Variants in CNTNAP2 observed in about 807,000 individuals in gnomAD.
The protein encoded by CNTNAP2 is contactin associated protein 2.
Under a neutral mutation model 155.2 loss-of-function variants are expected in CNTNAP2, and 98 were observed. The observed-to-expected ratio is 0.63, with a 90% CI of 0.54 to 0.75. The LOEUF (loss-of-function observed/expected upper bound fraction) is 0.75, where lower values mean the gene tolerates loss of function less well. CNTNAP2 is among the 30% of genes least tolerant of loss of function. CNTNAP2 has a pLI of 0.00. For missense variants in CNTNAP2, 1,727 were observed against 1,688.1 expected, an observed-to-expected ratio of 1.02 and a Z score of -0.40; for synonymous variants, 651 against 631.2, an observed-to-expected ratio of 1.03 and a Z score of -0.47.
intron 21 of CNTNAP2, among the ~76,000 whole-genome samples, chr7:148,338,563 G>C (rs1407217379): frequency 2.2e-5 from 3 of 134,012 alleles, no homozygotes; most frequent in African/African-American, 7.5e-5. Context: ...GGGGGGTGAG[G>C]GGGGGGTGAG....
chr7:146,292,710 A>G (rs1800451106), intron 1 of CNTNAP2, among the ~76,000 whole-genome samples: 1 of 152,208 alleles, frequency 6.6e-6, no homozygotes, highest in Non-Finnish European at 1.5e-5. Flanking sequence ...TTACAAAAGA[A>G]ATGTTGTCAT....
intron 1 of CNTNAP2, among the ~76,000 whole-genome samples, chr7:146,493,133 TC>T (rs1165602120): frequency 6.6e-6 from 1 of 152,206 alleles, no homozygotes; most frequent in African/African-American, 2.4e-5. Flanking sequence ...CAGTTTGAGA[TC>T]AGTATTGAAC....
intron 8 of CNTNAP2, among the ~76,000 whole-genome samples, chr7:147,174,403 T>C (rs1037435996): frequency 1.3e-5 from 2 of 152,088 alleles, no homozygotes; most frequent in Admixed American, 6.5e-5. Context: ...AAAGCACAGA[T>C]CACATCGTGA....
chr7:146,482,443 A>T (rs954855731), intron 1 of CNTNAP2, among the ~76,000 whole-genome samples: 5 of 151,934 alleles, frequency 3.3e-5, no homozygotes, highest in Admixed American at 6.6e-5. Flanking sequence ...ATACACAAAC[A>T]TACACTCATA....
chr7:147,588,666 C>T (rs536236925), intron 12 of CNTNAP2, among the ~76,000 whole-genome samples: 2 of 152,180 alleles, frequency 1.3e-5, no homozygotes, highest in South Asian at 4.2e-4. Context: ...ATCATAGTGC[C>T]AGGCAACATT....
intron 1 of CNTNAP2, among the ~76,000 whole-genome samples, chr7:146,458,386 A>G (rs1796587887): frequency 6.6e-6 from 1 of 152,196 alleles, no homozygotes; most frequent in Non-Finnish European, 1.5e-5. Context: ...AATGTCTATT[A>G]AGAAAAAAAT....
intron 3 of CNTNAP2, among the ~76,000 whole-genome samples, chr7:147,021,848 C>T (rs1798823053): frequency 6.6e-6 from 1 of 151,968 alleles, no homozygotes; most frequent in Non-Finnish European, 1.5e-5. Context: ...ATTCATCAAA[C>T]ATAAATCAAT....
intron 3 of CNTNAP2, among the ~76,000 whole-genome samples, chr7:146,947,557 G>GTATATATA (rs1325610298): frequency 1.8e-4 from 9 of 50,734 alleles, no homozygotes; most frequent in African/African-American, 5.1e-4. Flanking sequence ...GTGTGTGTGT[G>GTATATATA]TATATATATA....
intron 9 of CNTNAP2, among the ~76,000 whole-genome samples, chr7:147,329,318 TATA>T (rs1265679714): frequency 1.3e-5 from 2 of 152,092 alleles, no homozygotes; most frequent in Non-Finnish European, 2.9e-5. Flanking sequence ...TATACATTCT[TATA>T]ATTTATATAT....
intron 20 of CNTNAP2, among the ~76,000 whole-genome samples, chr7:148,259,362 A>AAAAAAAAAAAAC (rs1216850835): frequency 3.3e-4 from 50 of 151,838 alleles, no homozygotes; most frequent in African/African-American, 1.2e-3. Flanking sequence ...CCTCAAAAAA[A>AAAAAAAAAAAAC]AAAAAAAGAA....
At chr7:148,124,678 T>C (rs1030290007) in intron 16 of CNTNAP2, among the ~76,000 whole-genome samples, 1 of 152,246 alleles carries the variant, frequency 6.6e-6, no homozygotes, top group Non-Finnish European at 1.5e-5. Context: ...TTGTAGGTTA[T>C]TAACTTTTGT....
chr7:148,025,808 G>A (rs1383116873), intron 15 of CNTNAP2, among the ~76,000 whole-genome samples: 2 of 152,086 alleles, frequency 1.3e-5, no homozygotes, highest in Non-Finnish European at 2.9e-5. Context: ...CCTAATGAAT[G>A]AAAAAATTAT....
chr7:147,120,477 T>G (rs1051128128), intron 5 of CNTNAP2, among the ~76,000 whole-genome samples: 1 of 152,122 alleles, frequency 6.6e-6, no homozygotes, highest in Non-Finnish European at 1.5e-5. Context: ...CCTACCAAAA[T>G]TTAGCAGAAT....
At chr7:148,227,213 G>T (rs140766045) in intron 19 of CNTNAP2, among the ~76,000 whole-genome samples, 1 of 152,302 alleles carries the variant, frequency 6.6e-6, no homozygotes, top group East Asian at 1.9e-4. Flanking sequence ...TGTGCCGAGT[G>T]AAGATGAGGC....
chr7:148,180,987 T>C (rs1795028825), intron 18 of CNTNAP2, among the ~76,000 whole-genome samples: 1 of 152,182 alleles, frequency 6.6e-6, no homozygotes, highest in Admixed American at 6.5e-5. Flanking sequence ...GAAAAGGTGG[T>C]AGTGTCTATC....
chr7:146,759,681 C>CAAAAAAAAAAAAAAAAAAAAAAAAA (rs376817827), intron 1 of CNTNAP2, among the ~76,000 whole-genome samples: 1 of 54,652 alleles, frequency 1.8e-5, no homozygotes, highest in African/African-American at 4.1e-5. Flanking sequence ...GTGAGACTGT[C>CAAAAAAAAAAAAAAAAAAAAAAAAA]AAAAAAAAAA....
intron 1 of CNTNAP2, among the ~76,000 whole-genome samples, chr7:146,439,204 A>C (rs1196295106): frequency 1.3e-5 from 2 of 151,524 alleles, no homozygotes; most frequent in Non-Finnish European, 2.9e-5. Flanking sequence ...TCCAGTGTTT[A>C]AGATATTCAT....
chr7:147,676,847 CT>C (rs35532100), intron 13 of CNTNAP2, among the ~76,000 whole-genome samples: 1 of 151,890 alleles, frequency 6.6e-6, no homozygotes, highest in Non-Finnish European at 1.5e-5. Context: ...AGATTTCCTC[CT>C]TTTTCATGGC....
At chr7:146,630,233 G>A (rs184728322) in intron 1 of CNTNAP2, among the ~76,000 whole-genome samples, 121 of 152,188 alleles carry the variant, frequency 8.0e-4, no homozygotes, top group Non-Finnish European at 1.4e-3. Flanking sequence ...AACATGTGGT[G>A]TTTGGTTTTC....
Sources: gnomAD v4.1 joint callset for allele counts (sites outside exome capture counted in the v4.1 genomes callset) on GRCh38, gnomAD v4.1.1 for gene constraint, MANE v1.5 for transcripts, NCBI Gene and HGNC (gene_info 2026-07-23, HGNC 2026-07-21) for gene names.